The following TRPV1 variants were observed in gnomAD, a reference collection of about 807,000 sequenced individuals.
TRPV1 encodes transient receptor potential cation channel subfamily V member 1.
In TRPV1, 82 loss-of-function variants were observed where a neutral mutation model predicts 82.3. The observed-to-expected ratio is 1.00, with a 90% CI of 0.83 to 1.20. The LOEUF (loss-of-function observed/expected upper bound fraction) is 1.20. Ranked by LOEUF, TRPV1 falls within the 50% of genes most tolerant of loss-of-function variation. TRPV1 has a pLI of 0.00. For synonymous variants in TRPV1, 515 were observed against 467.7 expected, an observed-to-expected ratio of 1.10 and a Z score of -1.30; for missense variants, 1,067 against 1,096.8, an observed-to-expected ratio of 0.97 and a Z score of 0.38.
chr17:3,568,030 A>C (rs184589269), intron 16 of TRPV1, among the ~76,000 whole-genome samples: 31 of 152,348 alleles, frequency 2.0e-4, no homozygotes, highest in African/African-American at 7.5e-4. Context: ...TGACATTGAA[A>C]AACTACTCAA....
intron 2 of TRPV1, among the ~76,000 whole-genome samples, chr17:3,594,528 G>A (rs2150853196): frequency 6.6e-6 from 1 of 152,276 alleles, no homozygotes; most frequent in South Asian, 2.1e-4. Flanking sequence ...CGCAGGCTGT[G>A]AACAGGACGG....
At chr17:3,577,908 A>ATAC in intron 11 of TRPV1, 145 bp from the exon 12 acceptor site, 1 of 720,792 alleles carries the variant, frequency 1.4e-6, no homozygotes, top group South Asian at 1.9e-5. Flanking sequence ...CTTTCAGCCC[A>ATAC]GGCGTTCTCC....
chr17:3,591,197 G>A lies in TRPV1; in HGVS notation c.441C>T (p.Asn147=), dbSNP rs200647940. ...LQKSKKHLTD[N]EFKDPETGKT... ...CAGCGCTGGGGCCACCTTTGAACTC[G>A]TTGTCTGTGAGGTGCTTCTTGCTCT... The change falls in exon 4 of 17, where the codon AAC becomes AAT. Residue 147 remains asparagine (N), a synonymous_variant. Coordinates refer to ENST00000572705, the MANE Select transcript of TRPV1 (RefSeq NM_080704.4). 1.7e-5 allele frequency: 27 copies of A among 1,609,974 alleles called. No individual in the cohort carries two copies. The Middle Eastern group carries it at 6.6e-4, about 39-fold the overall frequency.
At chr17:3,584,265 A>G (rs1184764380) in intron 9 of TRPV1, among the ~76,000 whole-genome samples, 1 of 151,532 alleles carries the variant, frequency 6.6e-6, no homozygotes, top group Non-Finnish European at 1.5e-5. Flanking sequence ...CTCTGTCTCA[A>G]AAAACAAAAA....
At chr17:3,568,732 G>T (rs1597507867) in intron 16 of TRPV1, among the ~76,000 whole-genome samples, 2 of 152,162 alleles carry the variant, frequency 1.3e-5, no homozygotes, top group East Asian at 1.9e-4. Context: ...AGCAGCTAAA[G>T]ATTTTTTAAA....
At chr17:3,567,759 G>A (rs2074788550) in intron 16 of TRPV1, among the ~76,000 whole-genome samples, 1 of 146,278 alleles carries the variant, frequency 6.8e-6, no homozygotes, top group Non-Finnish European at 1.5e-5. Flanking sequence ...CTGGGCGACA[G>A]AACAAGATTC....
chr17:3,602,917 T>C (rs1482744040), intron 2 of TRPV1, among the ~76,000 whole-genome samples: 1 of 151,694 alleles, frequency 6.6e-6, no homozygotes, highest in Non-Finnish European at 1.5e-5. Context: ...AGGTCGGGAG[T>C]TCGAGACCAG....
rs1374648810 is a variant in TRPV1, at chr17:3,590,272, C to G, written c.725G>C (p.Gly242Ala). Reference protein sequence around the residue: ...AHGDFFKKTKGRPGFYFGELP... With the variant: ...AHGDFFKKTKARPGFYFGELP... The stretch of plus-strand genomic sequence containing the variant: ...CCTACCGAAGTAGAATCCAGGCCGC[C>G]CTTTGGTTTTCTTAAAGAAGTCCCC... The change falls in exon 6 of 17, where the codon GGG (glycine) becomes GCG (alanine). Residue 242 changes from glycine to alanine, a missense_variant. Physicochemically the swap from Gly to Ala is moderately conservative, Grantham distance 60. Coordinates refer to ENST00000572705, the MANE Select transcript of TRPV1 (RefSeq NM_080704.4). 6.2e-7 allele frequency: 1 copy of G among 1,613,866 alleles called. No homozygotes were observed. The highest frequency in any genetic ancestry group is 8.5e-7 in the Non-Finnish European group (1 of 1,179,888).
chr17:3,582,610 T>TA (rs58690941), intron 10 of TRPV1, among the ~76,000 whole-genome samples: 369 of 147,650 alleles, frequency 2.5e-3, no homozygotes, highest in Non-Finnish European at 3.3e-3. Flanking sequence ...ACTCCTGCAT[T>TA]AAAAAAAAAA....
chr17:3,577,231 C>T (rs2074945523), intron 12 of TRPV1, 39 bp from the exon 13 acceptor site: 2 of 1,558,736 alleles, frequency 1.3e-6, no homozygotes, highest in Non-Finnish European at 1.7e-6. Context: ...CGAGGCCAGG[C>T]CCAGGAGGAG....
intron 2 of TRPV1, among the ~76,000 whole-genome samples, chr17:3,593,363 C>T (rs1006648464): frequency 6.6e-6 from 1 of 152,096 alleles, no homozygotes; most frequent in African/African-American, 2.4e-5. Flanking sequence ...GGCCTAAACA[C>T]CTAGAGATCA....
At position 3,573,663 on chromosome 17, in the gene TRPV1, T is replaced by C. The variant is rs199977787; in HGVS notation, c.2073A>G (p.Ala691=). ...ALMGETVNKI[A]QESKNIWKLQ... ...GCTTCCAGATGTTCTTGCTCTCCTG[T>C]GCGATCTTGTTGACAGTCTCACCCA... is the stretch of plus-strand genomic sequence containing the variant. Residue 691 remains alanine, a synonymous_variant, in exon 14 of 17, where the codon GCA becomes GCG. Coordinates refer to ENST00000572705, the MANE Select transcript of TRPV1 (RefSeq NM_080704.4). The C allele has an allele frequency of 3.1e-6, 5 of 1,613,798 alleles. No individual in the cohort carries two copies. The highest frequency in any genetic ancestry group is 4.2e-6 in the Non-Finnish European group (5 of 1,179,956).
At chr17:3,585,679 G>T in intron 9 of TRPV1, 89 bp downstream of exon 9, 1 of 1,474,464 alleles carries the variant, frequency 6.8e-7, no homozygotes, top group Non-Finnish European at 9.2e-7. Flanking sequence ...CAGAGCCTGG[G>T]CCTGGGGTCG....
At chr17:3,605,261 C>T (rs1333210491) in intron 2 of TRPV1, among the ~76,000 whole-genome samples, 1 of 152,180 alleles carries the variant, frequency 6.6e-6, no homozygotes, top group African/African-American at 2.4e-5. Context: ...ATAATCCCAG[C>T]ACTTTCCGAG....
In TRPV1 at chr17:3,592,264, A is replaced by T. The variant is rs1567672171; in HGVS notation, c.87T>A (p.Pro29=). The T allele has an allele frequency of 6.2e-7, 1 of 1,607,972 alleles. No individual in the cohort carries two copies. Among genetic ancestry groups the T allele is most frequent in the Non-Finnish European group, 8.5e-7 (1 of 1,177,358 alleles). ...DTCPDPLDGD[P]NSRPPPAKPQ... The stretch of plus-strand genomic sequence containing the variant: ...GCTTGGCTGGAGGTGGCCTGGAGTT[A>T]GGGTCTCCATCCAGGGGGTCTGGGC... The change falls in exon 3 of 17, where the codon CCT becomes CCA. Residue 29 remains proline (P), a synonymous_variant. Coordinates refer to ENST00000572705, the MANE Select transcript of TRPV1 (RefSeq NM_080704.4).
chr17:3,594,726 C>T (rs997820620), intron 2 of TRPV1, among the ~76,000 whole-genome samples: 7 of 152,206 alleles, frequency 4.6e-5, no homozygotes, highest in Non-Finnish European at 8.8e-5. Flanking sequence ...TCCAGCCCTG[C>T]GCTGGGGGCA....
In TRPV1 at chr17:3,586,448, G is replaced by A. The variant is rs543207609; in HGVS notation, c.1225-522C>T. On this transcript the variant is annotated intron_variant, in intron 8 of 16. Coordinates refer to ENST00000572705, the MANE Select transcript of TRPV1 (RefSeq NM_080704.4). ...TGCCATCATTACAAGTATGCTTTGG[G>A]GCAAATGTCTCATATCCAGAGACTT... Among the ~76,000 whole-genome samples the A allele has an allele frequency of 7.9e-5, 12 of 152,338 alleles. No homozygotes were observed. The East Asian group carries it at 2.1e-3, about 27-fold the overall frequency.
chr17:3,567,841 T>C (rs2074790624), intron 16 of TRPV1, among the ~76,000 whole-genome samples: 2 of 151,858 alleles, frequency 1.3e-5, no homozygotes, highest in Admixed American at 1.3e-4. Context: ...CCCCCATCCC[T>C]GCCCCAGTTA....
intron 2 of TRPV1, chr17:3,601,959 A>G (rs966962390): frequency 2.6e-5 from 4 of 152,208 alleles, no homozygotes; most frequent in Admixed American, 6.5e-5. Context: ...GGCAACGGGC[A>G]CAGTACTCAT....
Sources: gnomAD v4.1 joint callset for allele counts (sites outside exome capture counted in the v4.1 genomes callset) on GRCh38, gnomAD v4.1.1 for gene constraint, MANE v1.5 for transcripts, NCBI Gene and HGNC (gene_info 2026-07-23, HGNC 2026-07-21) for gene names.